KIF13A: variants seen among roughly 807,000 people sequenced by gnomAD.
KIF13A encodes kinesin family member 13A.
Under a neutral mutation model 212.2 loss-of-function variants are expected in KIF13A, and 79 were observed. The ratio of observed to expected loss-of-function variants is 0.37; its 90% CI spans 0.31 to 0.45. The LOEUF is 0.45. Among genes scored for constraint, KIF13A ranks in the 20% least tolerant of loss-of-function variants. The pLI, the probability that KIF13A is intolerant of heterozygous loss-of-function variation, is 1.00. For synonymous variants in KIF13A, 789 were observed against 808.6 expected (o/e 0.98, Z 0.41); for missense variants, 1,901 against 2,209.0 (o/e 0.86, Z 2.79).
intron 6 of KIF13A, among the ~76,000 whole-genome samples, chr6:17,853,145 C>A (rs1421794209): frequency 6.6e-6 from 1 of 152,138 alleles, no homozygotes; most frequent in Non-Finnish European, 1.5e-5. Context: ...TGGCATTGTT[C>A]CCTGAAGCAC....
At chr6:17,908,794 T>C (rs1247379692) in intron 2 of KIF13A, among the ~76,000 whole-genome samples, 2 of 152,216 alleles carry the variant, frequency 1.3e-5, no homozygotes, top group Non-Finnish European at 2.9e-5. Context: ...TGTGGTTTGA[T>C]TTTTTGGACT....
chr6:17,797,298 G>T (rs944804074), intron 22 of KIF13A, among the ~76,000 whole-genome samples: 1 of 151,634 alleles, frequency 6.6e-6, no homozygotes, highest in East Asian at 2.0e-4. Context: ...CACAGTGCTG[G>T]GATTACAGGT....
chr6:17,949,330 A>G (rs7769287), intron 2 of KIF13A, among the ~76,000 whole-genome samples: 87,767 of 152,058 alleles, frequency 0.58, 25,467 homozygotes, highest in Non-Finnish European at 0.61. Flanking sequence ...GCTCTGTTTA[A>G]TATTTATTAC....
chr6:17,887,249 G>A (rs905288602), intron 3 of KIF13A, among the ~76,000 whole-genome samples: 4 of 152,148 alleles, frequency 2.6e-5, no homozygotes, highest in African/African-American at 9.7e-5. Context: ...AGCCCAGATT[G>A]AAGTCATATG....
Position 17,787,847 on chromosome 6 carries a change from C to T in KIF13A, c.3290G>A (p.Arg1097Lys). 3 of 1,612,404 alleles carry T rather than the reference C, an allele frequency of 1.9e-6. No individual in the cohort carries two copies. Among genetic ancestry groups the T allele is most frequent in the Non-Finnish European group, 2.5e-6 (3 of 1,178,486 alleles). Reference protein sequence around the residue: ...QEEDLNCVRERWSDALIKRRE... With the variant: ...QEEDLNCVREKWSDALIKRRE... ...TCGTTTAATGAGTGCATCTGACCAC[C>T]TCTCCCTTACGCAGTTTAAGTCTTC... The change falls in exon 27 of 39, where the codon AGG (arginine) becomes AAG (lysine). Residue 1097 changes from arginine (R) to lysine (K), a missense_variant. By Grantham distance (26) the Arg-to-Lys change is conservative (BLOSUM62 2). This residue lies in a region of KIF13A where 168 missense variants were observed against 250.9 expected (regional missense o/e 0.67). Coordinates refer to ENST00000259711, the MANE Select transcript of KIF13A (RefSeq NM_022113.6). The surrounding 1 kb of genome is among the most constrained non-coding windows in gnomAD (Gnocchi z 4.6).
At chr6:17,972,074 G>A (rs890417273) in intron 2 of KIF13A, among the ~76,000 whole-genome samples, 1 of 152,122 alleles carries the variant, frequency 6.6e-6, no homozygotes, top group African/African-American at 2.4e-5. Flanking sequence ...AACTTAAAGC[G>A]ATATTACCAT....
chr6:17,977,582 C>T (rs1435123531), intron 2 of KIF13A, among the ~76,000 whole-genome samples: 1 of 151,814 alleles, frequency 6.6e-6, no homozygotes, highest in African/African-American at 2.4e-5. Context: ...TGTAGCATAA[C>T]GAAATGTAAG....
In KIF13A at chr6:17,856,528, T is replaced by C. The variant is rs546892664; in HGVS notation, c.221-406A>G. On this transcript the variant is annotated intron_variant, in intron 4 of 38. Transcript: ENST00000259711. This position sits in a 1 kb window ranked among gnomAD's most constrained non-coding sequence, Gnocchi z 4.5. ...TGTTATACACACCTTGGTATCTCCC[T>C]CAGCACCTAGCTTGGTGTTTTGTAC... Among the ~76,000 whole-genome samples, 1 of 152,342 alleles carries C rather than the reference T, an allele frequency of 6.6e-6. No homozygotes were observed. Among genetic ancestry groups the C allele is most frequent in the South Asian group, 2.1e-4 (1 of 4,826 alleles).
chr6:17,922,755 A>G (rs887820533), intron 2 of KIF13A, among the ~76,000 whole-genome samples: 3 of 151,656 alleles, frequency 2.0e-5, no homozygotes, highest in Admixed American at 6.6e-5. Flanking sequence ...ATTCATTTCT[A>G]TTATTATTCT....
In KIF13A at chr6:17,984,423, A is replaced by G. The variant is rs185133706; in HGVS notation, c.146+2631T>C. 2.2e-3 allele frequency: 1,323 copies of G among 597,752 alleles called. 1 individual carries two copies. Among genetic ancestry groups the G allele is most frequent in the Non-Finnish European group, 2.7e-3 (1,267 of 475,668 alleles). 37.0% of individuals were successfully genotyped at this position (597,752 alleles called of 1,614,324 possible). On this transcript the variant is annotated intron_variant, in intron 2 of 38. Coordinates refer to ENST00000259711, the MANE Select transcript of KIF13A (RefSeq NM_022113.6). This position sits in a 1 kb window ranked among gnomAD's most constrained non-coding sequence, Gnocchi z 5.0. ...TTTCAGAATGGTGATCAGTATACAT[A>G]TCAACTACTAACCTGGACCTATGCA...
rs749376781 is a variant in KIF13A at position 17,831,283 on chromosome 6, T to G, written c.1267-48A>C. ...GAAGGAAACTCTGTTTGTTGTTCTA[T>G]TCACAAGATGTATCCACGGAAAGAG... is the stretch of plus-strand genomic sequence containing the variant. On this transcript the variant is annotated intron_variant, in intron 12 of 38. Transcript: ENST00000259711. The G allele has an allele frequency of 1.3e-5, 20 of 1,587,884 alleles. No homozygotes were observed. The South Asian group carries it at 2.3e-4, about 18-fold the overall frequency.
In KIF13A at chr6:17,873,439, T is replaced by A; in HGVS notation, c.160-2A>T. ...AAAGCAATAATCAAAGGCAAATACC[T>A]GAATGAAAGAACAAAATATTAAACT... On this transcript the variant is annotated splice_acceptor_variant, in intron 3 of 38. Transcript: ENST00000259711. LOFTEE classifies it high-confidence loss of function. 1 of 1,567,078 alleles carries A rather than the reference T, an allele frequency of 6.4e-7. No individual in the cohort carries two copies. Among genetic ancestry groups the A allele is most frequent in the Admixed American group, 1.8e-5 (1 of 54,778 alleles).
At chr6:17,851,139 G>C (rs1767600915) in intron 7 of KIF13A, among the ~76,000 whole-genome samples, 1 of 152,142 alleles carries the variant, frequency 6.6e-6, no homozygotes. Context: ...TGAAGGAGCT[G>C]AGTTAGCACC....
rs1489447173 is a variant in KIF13A, at chr6:17,918,718, C to T, written c.147-20538G>A. Among the ~76,000 whole-genome samples, 1 of 152,170 alleles carries T rather than the reference C, an allele frequency of 6.6e-6. No homozygotes were observed. Among genetic ancestry groups the T allele is most frequent in the Admixed American group, 6.5e-5 (1 of 15,270 alleles). On this transcript the variant is annotated intron_variant, in intron 2 of 38. Transcript: ENST00000259711. The surrounding 1 kb of genome is among the most constrained non-coding windows in gnomAD (Gnocchi z 4.8). Reference sequence around the variant, plus strand: ...AAGCTCCCTCTGCCTGGAAAGCCCTCTCCAGGGCTTGCTCCTCAGAGGAGT... The same window carrying T: ...AAGCTCCCTCTGCCTGGAAAGCCCTTTCCAGGGCTTGCTCCTCAGAGGAGT...
Position 17,811,939 on chromosome 6 carries a change from A to G in KIF13A, c.2001-3009T>C, listed in dbSNP as rs1763467192. The G allele has an allele frequency of 6.6e-6, 1 of 151,982 alleles. No individual in the cohort carries two copies. Among genetic ancestry groups the G allele is most frequent in the Non-Finnish European group, 1.5e-5 (1 of 68,000 alleles). 9.4% of individuals were successfully genotyped at this position (151,982 alleles called of 1,614,324 possible). A position where few individuals can be genotyped will look rare whatever the true frequency, so the allele number is the denominator to read the frequency against. On this transcript the variant is annotated intron_variant, in intron 17 of 38. Transcript: ENST00000259711. The surrounding 1 kb of genome is among the most constrained non-coding windows in gnomAD (Gnocchi z 6.0). ...TTCAGAGGCATGATCACAGTGCACT[A>G]CAGCTTGAAACTCCTGGGCGCAGGT...
chr6:17,815,710 T>C (rs56245804), intron 17 of KIF13A: 99 of 336,710 alleles, frequency 2.9e-4, no homozygotes, highest in Non-Finnish European at 3.8e-4. Flanking sequence ...GATATTCATA[T>C]ATAATCATAT....
rs1395665767 is a variant in KIF13A at position 17,773,877 on chromosome 6, AG to A, written c.4219-295del. Among the ~76,000 whole-genome samples, 1 of 152,154 alleles carries A rather than the reference AG, an allele frequency of 6.6e-6. No individual in the cohort carries two copies. The highest frequency in any genetic ancestry group is 2.4e-5 in the African/African-American group (1 of 41,434). ...CCCATTCATCTTCCTTCCTCCCCAG[AG>A]GTAGCTACTTTGAGCAATGTGGCAT... On this transcript the variant is annotated intron_variant, in intron 35 of 38. Coordinates refer to ENST00000259711, the MANE Select transcript of KIF13A (RefSeq NM_022113.6). The surrounding 1 kb of genome is among the most constrained non-coding windows in gnomAD (Gnocchi z 4.2).
rs201840171 is a variant in KIF13A, at chr6:17,787,990, T to C, written c.3262-115A>G. The C allele has an allele frequency of 4.1e-5, 28 of 684,866 alleles. 1 individual carries two copies. The East Asian group carries it at 7.0e-4, about 17-fold the overall frequency. 42.4% of individuals were successfully genotyped at this position (684,866 alleles called of 1,614,324 possible). A position where few individuals can be genotyped will look rare whatever the true frequency, so the allele number is the denominator to read the frequency against. ...GGAAATTTTTCATTAGGAAAAGCTG[T>C]TGAACATTGCTGTGTGATTAATATG... On this transcript the variant is annotated intron_variant, in intron 26 of 38. Coordinates refer to ENST00000259711, the MANE Select transcript of KIF13A (RefSeq NM_022113.6). This position sits in a 1 kb window ranked among gnomAD's most constrained non-coding sequence, Gnocchi z 4.6.
At chr6:17,972,820 T>C (rs1561821885) in intron 2 of KIF13A, among the ~76,000 whole-genome samples, 1 of 129,462 alleles carries the variant, frequency 7.7e-6, no homozygotes, top group Non-Finnish European at 1.6e-5. Flanking sequence ...TCCTTGTCTT[T>C]GAGAGAGAGT....
Sources: allele counts gnomAD v4.1 joint callset (sites outside exome capture counted in the v4.1 genomes callset), GRCh38; gene constraint gnomAD v4.1.1; regional missense constraint gnomAD v4.1.1; non-coding constraint Gnocchi (gnomAD v3.1); transcripts MANE v1.5; gene names NCBI Gene and HGNC (gene_info 2026-07-23, HGNC 2026-07-21).